The following MLLT1 variants were observed in gnomAD, a reference collection of about 807,000 sequenced individuals.
MLLT1 encodes the protein MLLT1 super elongation complex subunit.
Under a neutral mutation model 55.1 loss-of-function variants are expected in MLLT1, and 11 were observed. That is an observed-to-expected ratio of 0.20 (90% CI 0.13 to 0.33). The LOEUF is 0.33. Ranked by LOEUF, MLLT1 falls within the 10% of genes least tolerant of loss-of-function variation. The probability of loss-of-function intolerance (pLI) is 1.00; values close to 1 mark genes in which losing one functional copy is unlikely to be tolerated. For missense variants in MLLT1, 536 were observed against 760.6 expected (o/e 0.70, Z 3.47); for synonymous variants, 323 against 320.1 (o/e 1.01, Z -0.10).
chr19:6,237,710 A>G (rs1448394289), intron 3 of MLLT1, among the ~76,000 whole-genome samples: 7 of 151,210 alleles, frequency 4.6e-5, no homozygotes, highest in Non-Finnish European at 7.4e-5. Flanking sequence ...CGGAGCTTGC[A>G]ATGATGGAGA....
intron 1 of MLLT1, among the ~76,000 whole-genome samples, chr19:6,276,302 G>A (rs2091427842): frequency 1.3e-5 from 2 of 152,150 alleles, no homozygotes; most frequent in African/African-American, 2.4e-5. Context: ...GGTTTGGGGA[G>A]CAGCCGAGTT....
rs376549332 is a variant in MLLT1 at position 6,240,019 on chromosome 19, C to T, written c.277-9306G>A. Among the ~76,000 whole-genome samples the T allele has an allele frequency of 6.6e-6, 1 of 152,056 alleles. No homozygotes were observed. The highest frequency in any genetic ancestry group is 6.5e-5 in the Admixed American group (1 of 15,290). ...GTCAGAGGACTCCTGGATGCTGAAG[C>T]GGCTCAGCACTGGCTCACTGTGTGA... On this transcript the variant is annotated intron_variant, in intron 3 of 11. Coordinates refer to ENST00000252674, the MANE Select transcript of MLLT1 (RefSeq NM_005934.4). This position sits in a 1 kb window ranked among gnomAD's most constrained non-coding sequence, Gnocchi z 4.7.
Position 6,229,165 on chromosome 19 carries a change from A to G in MLLT1, c.420+1405T>C, listed in dbSNP as rs1266163825. Among the ~76,000 whole-genome samples the G allele has an allele frequency of 6.6e-6, 1 of 152,068 alleles. No homozygotes were observed. Among genetic ancestry groups the G allele is most frequent in the Non-Finnish European group, 1.5e-5 (1 of 68,006 alleles). Reference sequence around the variant, plus strand: ...AAAACACCTACTGCAAACGTGGTGAAAACACCTGGCCATGAAAGAAGGTGG... The same window carrying G: ...AAAACACCTACTGCAAACGTGGTGAGAACACCTGGCCATGAAAGAAGGTGG... On this transcript the variant is annotated intron_variant, in intron 4 of 11. Transcript: ENST00000252674. The surrounding 1 kb of genome is among the most constrained non-coding windows in gnomAD (Gnocchi z 5.2).
At chr19:6,250,996 G>A (rs921196294) in intron 3 of MLLT1, among the ~76,000 whole-genome samples, 4 of 152,038 alleles carry the variant, frequency 2.6e-5, no homozygotes, top group South Asian at 2.1e-4. Context: ...AGACACAAAC[G>A]TCACGTACTA....
Position 6,219,959 on chromosome 19 carries a change from G to A in MLLT1, c.1111-1918C>T, listed in dbSNP as rs1372693843. On this transcript the variant is annotated intron_variant, in intron 6 of 11. Coordinates refer to ENST00000252674, the MANE Select transcript of MLLT1 (RefSeq NM_005934.4). The surrounding 1 kb of genome is among the most constrained non-coding windows in gnomAD (Gnocchi z 4.5). ...TCAGCCAGAAGAGCCCTAAGGTGGT[G>A]TGATCAGAAGGGCCACCGGAGCACG... Among the ~76,000 whole-genome samples the A allele has an allele frequency of 6.6e-6, 1 of 152,250 alleles. No individual in the cohort carries two copies. Among genetic ancestry groups the A allele is most frequent in the African/African-American group, 2.4e-5 (1 of 41,464 alleles).
chr19:6,272,607 G>GC (rs1274002933), intron 1 of MLLT1, among the ~76,000 whole-genome samples: 1 of 152,200 alleles, frequency 6.6e-6, no homozygotes, highest in African/African-American at 2.4e-5. Flanking sequence ...TGCTGACGCA[G>GC]CCCCCAGGGC....
chr19:6,227,463 G>A lies in MLLT1; in HGVS notation c.421-361C>T, dbSNP rs1216338384. On this transcript the variant is annotated intron_variant, in intron 4 of 11. Coordinates refer to ENST00000252674, the MANE Select transcript of MLLT1 (RefSeq NM_005934.4). The surrounding 1 kb of genome is among the most constrained non-coding windows in gnomAD (Gnocchi z 5.1). ...CCTGACCTACGCGCTTAGGTTTAGG[G>A]GGAACAGCTCAGAAGTGTGAGAGGC... Among the ~76,000 whole-genome samples, 1 of 152,244 alleles carries A rather than the reference G, an allele frequency of 6.6e-6. No individual in the cohort carries two copies.
At position 6,212,110 on chromosome 19, in the gene MLLT1, C is replaced by T. The variant is rs537145109; in HGVS notation, c.*932G>A. The T allele has an allele frequency of 1.6e-5, 17 of 1,066,376 alleles. No individual in the cohort carries two copies. The East Asian group carries it at 6.9e-4, about 44-fold the overall frequency. The allele number at this position is 1,066,376 out of a possible 1,614,324, so 66.1% of individuals were successfully genotyped here. A position where few individuals can be genotyped will look rare whatever the true frequency, so the allele number is the denominator to read the frequency against. ...CTTGAATGAAAGAGAGGAAGAGGAG[C>T]CTATGGGAGGAGGCCGAGCCCCAGG... On this transcript the variant is annotated 3_prime_UTR_variant, in exon 12 of 12. Transcript: ENST00000252674.
In MLLT1 at chr19:6,235,760, A is replaced by G. The variant is rs1600189014; in HGVS notation, c.277-5047T>C. 6.6e-6 allele frequency among the ~76,000 whole-genome samples: 1 copy of G among 151,952 alleles called. No homozygotes were observed. Among genetic ancestry groups the G allele is most frequent in the Non-Finnish European group, 1.5e-5 (1 of 67,930 alleles). On this transcript the variant is annotated intron_variant, in intron 3 of 11. Coordinates refer to ENST00000252674, the MANE Select transcript of MLLT1 (RefSeq NM_005934.4). The surrounding 1 kb of genome is among the most constrained non-coding windows in gnomAD (Gnocchi z 5.5). Reference sequence around the variant, plus strand: ...CGGTATCTCCATGGGCTCAGGGCTCACCCTAGCCCACCAATGGCCTCGATG... The same window carrying G: ...CGGTATCTCCATGGGCTCAGGGCTCGCCCTAGCCCACCAATGGCCTCGATG...
intron 10 of MLLT1, 54 bp downstream of exon 10, chr19:6,213,672 T>TCCCCCCCCCCCCCCCCCCCCTGC: frequency 9.3e-7 from 1 of 1,075,344 alleles, no homozygotes; most frequent in Non-Finnish European, 1.4e-6. Flanking sequence ...TGGCTGCAAC[T>TCCCCCCCCCCCCCCCCCCCCTGC]CCCACCACCC....
intron 5 of MLLT1, among the ~76,000 whole-genome samples, chr19:6,224,111 T>C (rs2090931612): frequency 6.6e-6 from 1 of 152,132 alleles, no homozygotes. Context: ...GACAGACTCC[T>C]CCCAGCAAAA....
At chr19:6,274,042 T>C (rs556165771) in intron 1 of MLLT1, among the ~76,000 whole-genome samples, 1 of 152,240 alleles carries the variant, frequency 6.6e-6, no homozygotes, top group Non-Finnish European at 1.5e-5. Flanking sequence ...CCCAAAGTGC[T>C]GCCCAGGCGA....
intron 5 of MLLT1, among the ~76,000 whole-genome samples, chr19:6,223,586 C>T (rs899378929): frequency 6.6e-6 from 1 of 152,240 alleles, no homozygotes; most frequent in African/African-American, 2.4e-5. Flanking sequence ...AGGCCACCAC[C>T]TCACTGGGCA....
chr19:6,254,625 T>C (rs371528811), intron 3 of MLLT1, among the ~76,000 whole-genome samples: 65 of 152,326 alleles, frequency 4.3e-4, no homozygotes, highest in African/African-American at 1.5e-3. Context: ...AGAACTGTAA[T>C]GTCTGGGAAA....
chr19:6,270,812 G>T lies in MLLT1; in HGVS notation c.13-53C>A. 1 of 1,523,334 alleles carries T rather than the reference G, an allele frequency of 6.6e-7. No homozygotes were observed. Among genetic ancestry groups the T allele is most frequent in the South Asian group, 1.2e-5 (1 of 80,798 alleles). The allele number at this position is 1,523,334 out of a possible 1,614,324, so 94.4% of individuals were successfully genotyped here. On this transcript the variant is annotated intron_variant, in intron 1 of 11. Transcript: ENST00000252674. The surrounding 1 kb of genome is among the most constrained non-coding windows in gnomAD (Gnocchi z 7.1). ...AGTCAGCACACGCCTCCAAGCAGGG[G>T]ACTGTCCCCTTACCCACAGAGAACT...
At position 6,270,538 on chromosome 19, in the gene MLLT1, T is replaced by G. The variant is rs764036496; in HGVS notation, c.193+41A>C. ...TGGCCTTGGGAGGAGTGAAGACAGA[T>G]GGGTCCGTGCTGTGGGCACTCAGGG... On this transcript the variant is annotated intron_variant, in intron 2 of 11. Coordinates refer to ENST00000252674, the MANE Select transcript of MLLT1 (RefSeq NM_005934.4). The surrounding 1 kb of genome is among the most constrained non-coding windows in gnomAD (Gnocchi z 7.1). 6.4e-7 allele frequency: 1 copy of G among 1,570,416 alleles called. No homozygotes were observed. The highest frequency in any genetic ancestry group is 8.6e-7 in the Non-Finnish European group (1 of 1,156,904).
In MLLT1 at chr19:6,212,867, G is replaced by C. The variant is rs971744054; in HGVS notation, c.*175C>G. ...CCCGGCCCCAGGGCTCCTGGCGATG[G>C]AGCGGGGAGAGTGGGCAGGGAGCCG... On this transcript the variant is annotated 3_prime_UTR_variant, in exon 12 of 12. Coordinates refer to ENST00000252674, the MANE Select transcript of MLLT1 (RefSeq NM_005934.4). 1.0e-6 allele frequency: 1 copy of C among 997,104 alleles called. No homozygotes were observed. The highest frequency in any genetic ancestry group is 1.4e-6 in the Non-Finnish European group (1 of 709,726). 61.8% of individuals were successfully genotyped at this position (997,104 alleles called of 1,614,324 possible).
chr19:6,236,673 A>G (rs1359577217), intron 3 of MLLT1, among the ~76,000 whole-genome samples: 1 of 152,146 alleles, frequency 6.6e-6, no homozygotes, highest in Non-Finnish European at 1.5e-5. Flanking sequence ...TGCCCTCTAC[A>G]CGAGACCTGG....
At chr19:6,254,202 T>C (rs2091240690) in intron 3 of MLLT1, among the ~76,000 whole-genome samples, 1 of 152,194 alleles carries the variant, frequency 6.6e-6, no homozygotes, top group Non-Finnish European at 1.5e-5. Flanking sequence ...TAATCAATCA[T>C]GCCCACACAA....
Sources: gnomAD v4.1 joint callset for allele counts (sites outside exome capture counted in the v4.1 genomes callset) on GRCh38, gnomAD v4.1.1 for gene constraint, Gnocchi (gnomAD v3.1) non-coding constraint, MANE v1.5 for transcripts, NCBI Gene and HGNC (gene_info 2026-07-23, HGNC 2026-07-21) for gene names.